Variants in ZNF469 observed in about 807,000 individuals in gnomAD.
The protein encoded by ZNF469 is zinc finger protein 469.
ZNF469 carries 1 observed loss-of-function variant against 1.0 expected under a neutral mutation model. That is an observed-to-expected ratio of 1.00 (90% confidence interval 0.35 to 4.73). The LOEUF (loss-of-function observed/expected upper bound fraction) is 4.73. Ranked by LOEUF, ZNF469 falls within the 30% of genes most tolerant of loss-of-function variation. ZNF469 has a pLI of 0.16. For synonymous variants in ZNF469, 2,703 were observed against 2,363.4 expected (o/e 1.14, Z -4.17); for missense variants, 6,100 against 5,356.3 (o/e 1.14, Z -4.33).
the ZNF469 span, among the ~76,000 whole-genome samples, chr16:88,137,620 C>A: frequency 6.6e-6 from 1 of 150,380 alleles, no homozygotes; most frequent in African/African-American, 2.4e-5. Flanking sequence ...GCGTGCATAC[C>A]ACCACGGTGT....
At chr16:88,372,218 TCA>T in the ZNF469 span, among the ~76,000 whole-genome samples, 191 of 5,052 alleles carry the variant, frequency 0.038, 2 homozygotes, top group East Asian at 0.19. Flanking sequence ...ATCATCACCA[TCA>T]CCACTATCAT....
chr16:88,167,999 G>A, the ZNF469 span, among the ~76,000 whole-genome samples: 1 of 152,266 alleles, frequency 6.6e-6, no homozygotes, highest in African/African-American at 2.4e-5. Context: ...AGTTTGGCGG[G>A]CGGGTCCCCC....
chr16:88,159,083 T>C, the ZNF469 span, among the ~76,000 whole-genome samples: 10 of 151,066 alleles, frequency 6.6e-5, no homozygotes, highest in East Asian at 1.8e-3. Flanking sequence ...TATGGACCAC[T>C]CTCACCGTCC....
chr16:88,192,877 ATGATGATGGTGGTGGTGATGGTGG>A, the ZNF469 span, among the ~76,000 whole-genome samples: 2 of 141,288 alleles, frequency 1.4e-5, no homozygotes, highest in Admixed American at 1.4e-4. Context: ...GGTGGTGATG[ATGATGATGGTGGTGGTGATGGTGG>A]TGATGATGGA....
the ZNF469 span, among the ~76,000 whole-genome samples, chr16:88,266,415 C>T: frequency 2.6e-5 from 4 of 152,210 alleles, no homozygotes; most frequent in African/African-American, 7.2e-5. Context: ...GTCGTGCACA[C>T]GAAGGAACCA....
chr16:88,288,435 C>T, the ZNF469 span, among the ~76,000 whole-genome samples: 5 of 152,292 alleles, frequency 3.3e-5, no homozygotes, highest in East Asian at 9.6e-4. Flanking sequence ...TTGCCAAGAA[C>T]ATTGTCTCCT....
chr16:88,331,569 C>T, the ZNF469 span, among the ~76,000 whole-genome samples: 5 of 147,108 alleles, frequency 3.4e-5, no homozygotes, highest in Admixed American at 2.2e-4. Flanking sequence ...ATCACCATCA[C>T]CACCACCACC....
chr16:88,102,519 CA>C, the ZNF469 span, among the ~76,000 whole-genome samples: 2 of 152,214 alleles, frequency 1.3e-5, no homozygotes, highest in Non-Finnish European at 2.9e-5. Context: ...CAAAACAAAA[CA>C]AACAAAAACA....
chr16:88,188,547 C>T, the ZNF469 span, among the ~76,000 whole-genome samples: 2 of 152,152 alleles, frequency 1.3e-5, no homozygotes, highest in African/African-American at 4.8e-5. Context: ...CTCAGACTTG[C>T]CAGAGCATCT....
chr16:88,437,801 G>T lies in ZNF469; in HGVS notation c.10331G>T (p.Gly3444Val), dbSNP rs530393871. 5.7e-5 allele frequency: 88 copies of T among 1,545,616 alleles called. 1 individual carries two copies. Among genetic ancestry groups the T allele is most frequent in the Admixed American group, 3.9e-5 (2 of 50,844 alleles). ...CACATGAACAAGCACCTCAGGGGGG[G>T]GCGGCAGCCCTTCGCGTTCCGCGGC... ...DRHMNKHLRGGRQPFAFRGVR... is the reference protein window; with the variant it reads ...DRHMNKHLRGVRQPFAFRGVR... The change falls in exon 3 of 3, where the codon GGG (glycine) becomes GTG (valine). Residue 3444 changes from glycine to valine, a missense_variant. Coordinates refer to ENST00000565624, the MANE Select transcript of ZNF469 (RefSeq NM_001367624.2).
the ZNF469 span, among the ~76,000 whole-genome samples, chr16:88,196,899 TGAG>T: frequency 1.3e-5 from 2 of 152,276 alleles, no homozygotes; most frequent in South Asian, 4.2e-4. Flanking sequence ...CTTTGGGGCA[TGAG>T]GAGCGCTGCT....
At chr16:88,175,935 T>C in the ZNF469 span, among the ~76,000 whole-genome samples, 343 of 152,336 alleles carry the variant, frequency 2.3e-3, 2 homozygotes, top group Non-Finnish European at 3.7e-3. Context: ...CTAGGAATTA[T>C]CCTACCTTAA....
chr16:88,326,866 T>G, the ZNF469 span, among the ~76,000 whole-genome samples: 3 of 152,188 alleles, frequency 2.0e-5, no homozygotes, highest in African/African-American at 7.2e-5. Flanking sequence ...CTTCATTTTC[T>G]TGAAAACTGG....
At position 88,435,778 on chromosome 16, in the gene ZNF469, T is replaced by G; in HGVS notation, c.8308T>G (p.Ser2770Ala). Residue 2770 changes from serine (S) to alanine (A), a missense_variant, in exon 3 of 3, where the codon TCT becomes GCT. Coordinates refer to ENST00000565624, the MANE Select transcript of ZNF469 (RefSeq NM_001367624.2). ...CAAGGCGTTGGGTGTGTGCAAAGAG[T>G]CTGGGAGCGAGCCTGCGGAGGACAG... The part of the protein sequence containing the change: ...ETKALGVCKE[S>A]GSEPAEDSSR... 6.5e-7 allele frequency: 1 copy of G among 1,550,268 alleles called. No homozygotes were observed. The highest frequency in any genetic ancestry group is 8.7e-7 in the Non-Finnish European group (1 of 1,146,872).
the ZNF469 span, among the ~76,000 whole-genome samples, chr16:88,303,638 G>A: frequency 6.6e-6 from 1 of 152,206 alleles, no homozygotes; most frequent in Non-Finnish European, 1.5e-5. Context: ...CTTCCAGTGG[G>A]GCTGATGGCT....
chr16:88,202,060 G>A, the ZNF469 span, among the ~76,000 whole-genome samples: 2 of 152,172 alleles, frequency 1.3e-5, no homozygotes, highest in African/African-American at 4.8e-5. Flanking sequence ...CCCCCCAGGA[G>A]TAGCCATGTT....
the ZNF469 span, among the ~76,000 whole-genome samples, chr16:88,240,324 G>A: frequency 6.6e-6 from 1 of 152,166 alleles, no homozygotes; most frequent in Admixed American, 6.5e-5. Context: ...TCTAATAATC[G>A]TGTGATGGGG....
chr16:88,136,278 A>G, the ZNF469 span, among the ~76,000 whole-genome samples: 2 of 152,168 alleles, frequency 1.3e-5, no homozygotes, highest in Middle Eastern at 3.2e-3. Context: ...CCTCCTCCTC[A>G]TCCCATCTGG....
chr16:88,359,126 C>A, the ZNF469 span, among the ~76,000 whole-genome samples: 1 of 152,242 alleles, frequency 6.6e-6, no homozygotes, highest in Non-Finnish European at 1.5e-5. Flanking sequence ...TACGCCCCCA[C>A]CAGCAGCACG....
Sources: allele counts gnomAD v4.1 joint callset (sites outside exome capture counted in the v4.1 genomes callset), GRCh38; gene constraint gnomAD v4.1.1; transcripts MANE v1.5; gene names NCBI Gene and HGNC (gene_info 2026-07-23, HGNC 2026-07-21).